TAGAP: variants seen among roughly 807,000 people sequenced by gnomAD.
The protein encoded by TAGAP is T-cell activation Rho GTPase-activating protein.
Under a neutral mutation model 36.0 loss-of-function variants are expected in TAGAP, and 16 were observed. The observed-to-expected ratio is 0.44, with a 90% CI of 0.30 to 0.68. TAGAP has a LOEUF of 0.68. TAGAP is among the 30% of genes least tolerant of loss of function. The probability of loss-of-function intolerance (pLI) is 0.09; values close to 1 mark genes in which losing one functional copy is unlikely to be tolerated. For missense variants in TAGAP, 794 were observed against 921.5 expected, an observed-to-expected ratio of 0.86 and a Z score of 1.79; for synonymous variants, 372 against 377.4, an observed-to-expected ratio of 0.99 and a Z score of 0.17.
Position 159,041,402 on chromosome 6 carries a change from C to A in TAGAP, c.429G>T (p.Ala143=), listed in dbSNP as rs373228267. 1.2e-6 allele frequency: 2 copies of A among 1,614,104 alleles called. No homozygotes were observed. The highest frequency in any genetic ancestry group is 1.7e-6 in the Non-Finnish European group (2 of 1,180,010). The part of the protein sequence containing the change: ...ELKEELNSGD[A]VDLERLPVHL... The stretch of plus-strand genomic sequence containing the variant: ...GCACGGGGAGCCTCTCCAGATCCAC[C>A]GCATCCCCAGAGTTGAGCTCCTCCT... Residue 143 remains alanine (A), a synonymous_variant, in exon 6 of 10, where the codon GCG becomes GCT. Transcript: ENST00000367066. The surrounding 1 kb of genome is among the most constrained non-coding windows in gnomAD (Gnocchi z 4.1).
At position 159,044,213 on chromosome 6, in the gene TAGAP, A is replaced by C; in HGVS notation, c.-58-9T>G. ...TGTGGCTGTGCCTCTGTCTACAACGAATCACATGGAAAGGAGTTAGGAGGG... is the reference window on the plus strand; with the variant it reads ...TGTGGCTGTGCCTCTGTCTACAACGCATCACATGGAAAGGAGTTAGGAGGG... On this transcript the variant is annotated splice_polypyrimidine_tract_variant and intron_variant, in intron 1 of 9. Transcript: ENST00000367066. 6.4e-7 allele frequency: 1 copy of C among 1,566,982 alleles called. No homozygotes were observed. The highest frequency in any genetic ancestry group is 8.6e-7 in the Non-Finnish European group (1 of 1,158,438).
Position 159,035,933 on chromosome 6 carries a change from A to G in TAGAP, c.2090T>C (p.Val697Ala). 6.2e-7 allele frequency: 1 copy of G among 1,614,138 alleles called. No individual in the cohort carries two copies. Among genetic ancestry groups the G allele is most frequent in the Admixed American group, 1.7e-5 (1 of 60,018 alleles). The change falls in exon 10 of 10, where the codon GTC (valine) becomes GCC (alanine). Residue 697 changes from valine (V) to alanine (A), a missense_variant. Transcript: ENST00000367066. ...GRPELLPLRT[V>A]SESVQRNKRD... ...CTTATTCCTCTGCACGGACTCGGAG[A>G]CGGTCCTCAGCGGGAGGAGCTCAGG...
At chr6:159,042,755 C>T (rs1233234487) in intron 4 of TAGAP, 1 of 153,956 alleles carries the variant, frequency 6.5e-6, no homozygotes, top group African/African-American at 2.4e-5. Flanking sequence ...CACGCAGGCA[C>T]TAAACAGCCA....
Position 159,044,184 on chromosome 6 carries a change from C to A in TAGAP, c.-38G>T. The A allele has an allele frequency of 6.2e-7, 1 of 1,606,774 alleles. No individual in the cohort carries two copies. Among genetic ancestry groups the A allele is most frequent in the Non-Finnish European group, 8.5e-7 (1 of 1,178,226 alleles). ...TGACTGTCCAGGGGTGGATTTCACT[C>A]CCGTGTGGCTGTGCCTCTGTCTACA... On this transcript the variant is annotated 5_prime_UTR_variant, in exon 2 of 10. Transcript: ENST00000367066.
Position 159,038,116 on chromosome 6 carries a change from G to C in TAGAP, c.896C>G (p.Ser299Ter). The C allele has an allele frequency of 6.3e-7, 1 of 1,595,788 alleles. No homozygotes were observed. Among genetic ancestry groups the C allele is most frequent in the Non-Finnish European group, 8.6e-7 (1 of 1,164,108 alleles). ...TCAAATGATAGCACATTCCATACCT[G>C]AACTGTCAGTGTGCTCCAGGGAGTC... ...SDDSLEHTDS[S>*]DVSTLQNDSA... The change falls in exon 9 of 10, where the codon TCA becomes TGA. Residue 299 changes from serine to a stop codon, truncating the protein, a stop_gained and splice_region_variant. Transcript: ENST00000367066. LOFTEE classifies it low-confidence loss of function (END_TRUNC).
Position 159,038,267 on chromosome 6 carries a change from T to G in TAGAP, c.784-39A>C, listed in dbSNP as rs1320719963. ...TAAGCAATTTGTCAGCTTGAAGACT[T>G]TTTTTTTTTTTTTTTTTTTTTGGAG... On this transcript the variant is annotated intron_variant, in intron 8 of 9. Coordinates refer to ENST00000367066, the MANE Select transcript of TAGAP (RefSeq NM_054114.5). 1.9e-5 allele frequency: 5 copies of G among 267,124 alleles called. No homozygotes were observed. In the Admixed American group the frequency reaches 3.3e-4, roughly 18 times the overall value. 16.5% of individuals were successfully genotyped at this position (267,124 alleles called of 1,614,324 possible).
At position 159,041,276 on chromosome 6, in the gene TAGAP, A is replaced by G; in HGVS notation, c.477+78T>C. ...GTGTACCTTGCTGTGTGGGGAGAAG[A>G]GCCTATTTCTTGCATCCTGAGAATG... is the stretch of plus-strand genomic sequence containing the variant. On this transcript the variant is annotated intron_variant, in intron 6 of 9. Coordinates refer to ENST00000367066, the MANE Select transcript of TAGAP (RefSeq NM_054114.5). The surrounding 1 kb of genome is among the most constrained non-coding windows in gnomAD (Gnocchi z 4.1). 6.5e-7 allele frequency: 1 copy of G among 1,543,162 alleles called. No homozygotes were observed. Among genetic ancestry groups the G allele is most frequent in the Admixed American group, 1.9e-5 (1 of 52,828 alleles).
intron 3 of TAGAP, 44 bp from the exon 4 acceptor site, chr6:159,043,699 C>T: frequency 6.4e-7 from 1 of 1,561,918 alleles, no homozygotes; most frequent in Non-Finnish European, 8.8e-7. Context: ...ACTGAAGAAA[C>T]CTATCGAGTC....
Position 159,036,149 on chromosome 6 carries a change from G to A in TAGAP, c.1874C>T (p.Ala625Val), listed in dbSNP as rs778745747. 8 of 1,613,118 alleles carry A rather than the reference G, an allele frequency of 5.0e-6. No homozygotes were observed. The highest frequency in any genetic ancestry group is 5.9e-6 in the Non-Finnish European group (7 of 1,179,666). ...GAGGCAGTGCGCCTCCAGCATCCTC[G>A]CCCTCATGCTCCCCACCGTCATGCT... ...VGSMTVGSMRARMLEAHCLLP... is the reference protein window; with the variant it reads ...VGSMTVGSMRVRMLEAHCLLP... Residue 625 changes from alanine (A) to valine (V), a missense_variant, in exon 10 of 10, where the codon GCG becomes GTG. Transcript: ENST00000367066. This position sits in a 1 kb window ranked among gnomAD's most constrained non-coding sequence, Gnocchi z 4.9.
At position 159,035,763 on chromosome 6, in the gene TAGAP, C is replaced by T; in HGVS notation, c.*64G>A. On this transcript the variant is annotated 3_prime_UTR_variant, in exon 10 of 10. Transcript: ENST00000367066. The stretch of plus-strand genomic sequence containing the variant: ...AGACCTTTTAAAAACAATCTACAGG[C>T]AGTTCTTTACAAGTCTCATATTTAC... The T allele has an allele frequency of 6.7e-7, 1 of 1,482,544 alleles. No individual in the cohort carries two copies. Among genetic ancestry groups the T allele is most frequent in the Non-Finnish European group, 9.1e-7 (1 of 1,103,640 alleles). The allele number at this position is 1,482,544 out of a possible 1,614,324, so 91.8% of individuals were successfully genotyped here.
intron 4 of TAGAP, chr6:159,042,881 T>C (rs1427821571): frequency 1.3e-5 from 2 of 152,546 alleles, no homozygotes; most frequent in African/African-American, 4.8e-5. Flanking sequence ...TGAACCTAGA[T>C]CTGGCAACTG....
At chr6:159,043,341 G>C (rs1192027887) in intron 4 of TAGAP, among the ~76,000 whole-genome samples, 1 of 152,256 alleles carries the variant, frequency 6.6e-6, no homozygotes, top group Non-Finnish European at 1.5e-5. Context: ...ATGGCCAGGA[G>C]ATTGAACCGC....
In TAGAP at chr6:159,041,968, T is replaced by G; in HGVS notation, c.315+110A>C. On this transcript the variant is annotated intron_variant, in intron 5 of 9. Coordinates refer to ENST00000367066, the MANE Select transcript of TAGAP (RefSeq NM_054114.5). This position sits in a 1 kb window ranked among gnomAD's most constrained non-coding sequence, Gnocchi z 4.1. ...GTGCCATGTTGAAGAGTGGAAAATA[T>G]GGAAGATCAGTCCCTACAAACTTAA... 1 of 1,232,482 alleles carries G rather than the reference T, an allele frequency of 8.1e-7. No homozygotes were observed. Among genetic ancestry groups the G allele is most frequent in the Non-Finnish European group, 1.1e-6 (1 of 876,004 alleles). The allele number at this position is 1,232,482 out of a possible 1,614,324, so 76.3% of individuals were successfully genotyped here. A position where few individuals can be genotyped will look rare whatever the true frequency, so the allele number is the denominator to read the frequency against.
In TAGAP at chr6:159,035,848, A is replaced by G. The variant is rs757652647; in HGVS notation, c.2175T>C (p.Tyr725=). The part of the protein sequence containing the change: ...QPVFEADQFQ[Y]AKESYI The stretch of plus-strand genomic sequence containing the variant: ...CCTCCTAAATATACGATTCTTTGGC[A>G]TATTGGAATTGGTCAGCCTCAAAGA... The change falls in exon 10 of 10, where the codon TAT becomes TAC. Residue 725 remains tyrosine, a synonymous_variant. Transcript: ENST00000367066. The G allele has an allele frequency of 3.1e-6, 5 of 1,602,010 alleles. No homozygotes were observed. Among genetic ancestry groups the G allele is most frequent in the East Asian group, 4.5e-5 (2 of 44,504 alleles).
rs1779758260 is a variant in TAGAP, at chr6:159,041,697, C to G, written c.316-182G>C. The G allele has an allele frequency of 1.5e-6, 1 of 645,420 alleles. No homozygotes were observed. The highest frequency in any genetic ancestry group is 2.5e-6 in the Non-Finnish European group (1 of 394,678). The allele number at this position is 645,420 out of a possible 1,614,324, so 40.0% of individuals were successfully genotyped here. ...TGTGAAAGCTCTAATTTTGCACTTT[C>G]TAAAATCACTTTGGAGCTCTCTCCT... On this transcript the variant is annotated intron_variant, in intron 5 of 9. Coordinates refer to ENST00000367066, the MANE Select transcript of TAGAP (RefSeq NM_054114.5). This position sits in a 1 kb window ranked among gnomAD's most constrained non-coding sequence, Gnocchi z 4.1.
At position 159,044,049 on chromosome 6, in the gene TAGAP, A is replaced by G. The variant is rs1486897070; in HGVS notation, c.28-18T>C. 1 of 1,613,536 alleles carries G rather than the reference A, an allele frequency of 6.2e-7. No homozygotes were observed. Among genetic ancestry groups the G allele is most frequent in the Non-Finnish European group, 8.5e-7 (1 of 1,179,792 alleles). ...GTTTTTGACTAAAAGAGAAAAAATA[A>G]AATTAGGTAAATATCTTTTGGCCCT... On this transcript the variant is annotated intron_variant, in intron 2 of 9. Transcript: ENST00000367066.
rs1779487311 is a variant in TAGAP at position 159,035,186 on chromosome 6, T to A, written c.*641A>T. 1 of 152,324 alleles carries A rather than the reference T, an allele frequency of 6.6e-6. No individual in the cohort carries two copies. Among genetic ancestry groups the A allele is most frequent in the African/African-American group, 2.4e-5 (1 of 41,446 alleles). The allele number at this position is 152,324 out of a possible 1,614,324, so 9.4% of individuals were successfully genotyped here. On this transcript the variant is annotated 3_prime_UTR_variant, in exon 10 of 10. Coordinates refer to ENST00000367066, the MANE Select transcript of TAGAP (RefSeq NM_054114.5). ...TTTTCATTAATCTACCCACATTTAA[T>A]TGGATGATTGAAAGGACACGTTGAA...
Position 159,041,987 on chromosome 6 carries a change from A to T in TAGAP, c.315+91T>A. 3 of 1,423,314 alleles carry T rather than the reference A, an allele frequency of 2.1e-6. No individual in the cohort carries two copies. The highest frequency in any genetic ancestry group is 2.9e-6 in the Non-Finnish European group (3 of 1,039,172). The allele number at this position is 1,423,314 out of a possible 1,614,324, so 88.2% of individuals were successfully genotyped here. ...AAAATATGGAAGATCAGTCCCTACA[A>T]ACTTAATAGGAGAATGACATTCAGA... is the stretch of plus-strand genomic sequence containing the variant. On this transcript the variant is annotated intron_variant, in intron 5 of 9. Coordinates refer to ENST00000367066, the MANE Select transcript of TAGAP (RefSeq NM_054114.5). The surrounding 1 kb of genome is among the most constrained non-coding windows in gnomAD (Gnocchi z 4.1).
rs370037937 is a variant in TAGAP, at chr6:159,040,761, C to T, written c.549G>A (p.Glu183=). 2 of 1,614,172 alleles carry T rather than the reference C, an allele frequency of 1.2e-6. No homozygotes were observed. The highest frequency in any genetic ancestry group is 1.7e-6 in the Non-Finnish European group (2 of 1,180,030). The change falls in exon 7 of 10, where the codon GAG becomes GAA. Residue 183 remains glutamate (E), a synonymous_variant. Transcript: ENST00000367066. ...DLFEEWMGAL[E]MQDEEDRIEA... ...CGATTCTGTCCTCCTCGTCCTGCAT[C>T]TCCAGAGCACCCATCCACTCCTCAA...
Sources: allele counts gnomAD v4.1 joint callset (sites outside exome capture counted in the v4.1 genomes callset), GRCh38; gene constraint gnomAD v4.1.1; non-coding constraint Gnocchi (gnomAD v3.1); transcripts MANE v1.5; gene names NCBI Gene and HGNC (gene_info 2026-07-23, HGNC 2026-07-21).